The following CFAP46 variants were observed in gnomAD, a reference collection of about 807,000 sequenced individuals.
CFAP46 encodes cilia- and flagella-associated protein 46.
In CFAP46, 245 loss-of-function variants were observed where a neutral mutation model predicts 325.7. That is an observed-to-expected ratio of 0.75 (90% CI 0.68 to 0.84). The LOEUF is 0.84. Ranked by LOEUF, CFAP46 falls within the 40% of genes least tolerant of loss-of-function variation. The pLI is 0.00. For synonymous variants in CFAP46, 1,523 were observed against 1,495.9 expected, an observed-to-expected ratio of 1.02 and a Z score of -0.42; for missense variants, 3,346 against 3,543.0, an observed-to-expected ratio of 0.94 and a Z score of 1.41.
intron 54 of CFAP46, 21 bp downstream of exon 54, chr10:132,814,131 C>T: frequency 1.9e-6 from 3 of 1,605,810 alleles, no homozygotes; most frequent in South Asian, 2.2e-5. Flanking sequence ...GCAAACGGCT[C>T]CTGGGAGCCC....
intron 22 of CFAP46, among the ~76,000 whole-genome samples, chr10:132,902,503 A>G (rs187699576): frequency 6.6e-6 from 1 of 152,288 alleles, no homozygotes; most frequent in East Asian, 1.9e-4. Flanking sequence ...TATCGGTTCC[A>G]TTCTTTATTG....
intron 44 of CFAP46, among the ~76,000 whole-genome samples, chr10:132,845,424 A>G (rs1388026566): frequency 3.9e-5 from 6 of 152,168 alleles, no homozygotes; most frequent in Non-Finnish European, 8.8e-5. Flanking sequence ...CCTCACCAGC[A>G]AAGCATTGTC....
chr10:132,876,768 A>G lies in CFAP46; in HGVS notation c.4362+44T>C. ...CTTGGGGACAGGTCAAGGGGACACC[A>G]TGCTGTGACCAAGGTCTTGAGCCTT... is the stretch of plus-strand genomic sequence containing the variant. On this transcript the variant is annotated intron_variant, in intron 31 of 57. Coordinates refer to ENST00000368586, the MANE Select transcript of CFAP46 (RefSeq NM_001200049.3). This position sits in a 1 kb window ranked among gnomAD's most constrained non-coding sequence, Gnocchi z 4.1. The G allele has an allele frequency of 1.3e-6, 2 of 1,529,880 alleles. No homozygotes were observed. Among genetic ancestry groups the G allele is most frequent in the Non-Finnish European group, 8.8e-7 (1 of 1,137,536 alleles). 94.8% of individuals were successfully genotyped at this position (1,529,880 alleles called of 1,614,324 possible).
Position 132,808,655 on chromosome 10 carries a change from G to T in CFAP46, c.7914C>A (p.Gly2638=). 4 of 1,595,540 alleles carry T rather than the reference G, an allele frequency of 2.5e-6. No homozygotes were observed. The Middle Eastern group carries it at 5.1e-4, about 202-fold the overall frequency. ...AGGCTGCACCAAGGGCTGGGGAGAG[G>T]CCCAGGAAGGGGAGAGCGAGCTGGG... The part of the protein sequence containing the change: ...PSSQLALPFL[G]LSPALGAASA... The change falls in exon 58 of 58, where the codon GGC becomes GGA. Residue 2638 remains glycine, a synonymous_variant. Coordinates refer to ENST00000368586, the MANE Select transcript of CFAP46 (RefSeq NM_001200049.3). The surrounding 1 kb of genome is among the most constrained non-coding windows in gnomAD (Gnocchi z 6.8).
intron 34 of CFAP46, 59 bp from the exon 35 acceptor site, chr10:132,866,230 A>C: frequency 1.3e-5 from 18 of 1,425,042 alleles, no homozygotes; most frequent in South Asian, 1.5e-5. Flanking sequence ...TCTGAGTCTC[A>C]CGGGACAGGC....
rs1268034441 is a variant in CFAP46, at chr10:132,822,699, GTGTGAGTGCTGA to G, written c.7118-7797_7118-7786del. Among the ~76,000 whole-genome samples the G allele has an allele frequency of 7.3e-4, 103 of 140,972 alleles. No individual in the cohort carries two copies. In the South Asian group the frequency reaches 0.013, roughly 18 times the overall value. 92.5% of individuals were successfully genotyped at this position (140,972 alleles called of 152,430 possible). A position where few individuals can be genotyped will look rare whatever the true frequency, so the allele number is the denominator to read the frequency against. On this transcript the variant is annotated intron_variant, in intron 50 of 57. Transcript: ENST00000368586. ...TGTGCTGTGTGTGCTGATGTGTGCT[GTGTGAGTGCTGA>G]TGTGTGCTGATGTGTGCTGTGTGTG... is the stretch of plus-strand genomic sequence containing the variant.
At chr10:132,913,846 C>G (rs899953479) in intron 17 of CFAP46, among the ~76,000 whole-genome samples, 1 of 152,024 alleles carries the variant, frequency 6.6e-6, no homozygotes, top group African/African-American at 2.4e-5. Flanking sequence ...CCCAGCCCCC[C>G]GCCGGCCTGC....
chr10:132,891,710 G>A (rs1849257070), intron 25 of CFAP46, among the ~76,000 whole-genome samples: 1 of 152,172 alleles, frequency 6.6e-6, no homozygotes, highest in Non-Finnish European at 1.5e-5. Flanking sequence ...CCGGCTACCT[G>A]GAGGCTTCAT....
At chr10:132,820,939 A>T (rs1389385805) in intron 50 of CFAP46, among the ~76,000 whole-genome samples, 1 of 67,038 alleles carries the variant, frequency 1.5e-5, no homozygotes. Context: ...GTGTGCGCTG[A>T]TGTGTGCTGT....
At chr10:132,910,156 G>C in intron 19 of CFAP46, 88 bp from the exon 20 acceptor site, 1 of 1,238,020 alleles carries the variant, frequency 8.1e-7, no homozygotes, top group Non-Finnish European at 1.0e-6. Context: ...GATGGATGGA[G>C]CCCGCTCCTG....
intron 48 of CFAP46, 69 bp downstream of exon 48, chr10:132,834,585 C>G: frequency 1.6e-5 from 25 of 1,571,038 alleles, no homozygotes; most frequent in Non-Finnish European, 2.2e-5. Flanking sequence ...CGTGGTTGGC[C>G]ACAGCACTGG....
chr10:132,822,485 CTGTGTG>C (rs1434805506), intron 50 of CFAP46, among the ~76,000 whole-genome samples: 1 of 105,958 alleles, frequency 9.4e-6, no homozygotes, highest in African/African-American at 3.8e-5. Flanking sequence ...GCTGTGTGTG[CTGTGTG>C]TGCTGATGTG....
At chr10:132,834,844 G>A (rs1055447672) in intron 47 of CFAP46, 69 bp from the exon 48 acceptor site, 22 of 1,528,128 alleles carry the variant, frequency 1.4e-5, no homozygotes, top group Non-Finnish European at 1.8e-5. Context: ...CGAGGGCCAG[G>A]CCCCTGCAGA....
At chr10:132,821,594 CTGTGTGCTGTGTGTGCGCTGA>C (rs1847831837) in intron 50 of CFAP46, among the ~76,000 whole-genome samples, 1 of 110,850 alleles carries the variant, frequency 9.0e-6, no homozygotes, top group Admixed American at 9.8e-5. Context: ...TGTGTGTGTG[CTGTGTGCTGTGTGTGCGCTGA>C]TGTGTGCTGT....
At chr10:132,850,567 G>A (rs567335733) in intron 40 of CFAP46, 135 bp from the exon 41 acceptor site, 136 of 831,398 alleles carry the variant, frequency 1.6e-4, no homozygotes, top group African/African-American at 1.4e-3. Context: ...GCCTTGCCCC[G>A]CAGGGAGGGT....
intron 46 of CFAP46, among the ~76,000 whole-genome samples, 146 bp downstream of exon 46, chr10:132,835,988 CCCTTCTCG>C: frequency 1.4e-5 from 1 of 73,090 alleles, no homozygotes; most frequent in African/African-American, 5.6e-5. Flanking sequence ...CGCTCCCCTC[CCCTTCTCG>C]CCCTGCTCCC....
chr10:132,908,875 G>A lies in CFAP46; in HGVS notation c.2758-241C>T, dbSNP rs116202616. Reference sequence around the variant, plus strand: ...GGACTGGCGTGTGCAGCCCTTGGCTGCCCCTGAGCGGCTCAGGGTTGGGTG... The same window carrying A: ...GGACTGGCGTGTGCAGCCCTTGGCTACCCCTGAGCGGCTCAGGGTTGGGTG... On this transcript the variant is annotated intron_variant, in intron 21 of 57. Coordinates refer to ENST00000368586, the MANE Select transcript of CFAP46 (RefSeq NM_001200049.3). Among the ~76,000 whole-genome samples, 1,164 of 152,350 alleles carry A rather than the reference G, an allele frequency of 7.6e-3. 18 individuals are homozygous for A. The highest frequency in any genetic ancestry group is 0.026 in the African/African-American group (1,087 of 41,588).
At chr10:132,909,306 G>A (rs1368281498) in intron 20 of CFAP46, 62 bp from the exon 21 acceptor site, 15 of 1,181,478 alleles carry the variant, frequency 1.3e-5, no homozygotes, top group African/African-American at 1.5e-5. Flanking sequence ...TGGAATATGC[G>A]TGAATTTAAC....
chr10:132,870,736 T>C (rs7100926), intron 32 of CFAP46, among the ~76,000 whole-genome samples: 93,943 of 152,128 alleles, frequency 0.62, 30,552 homozygotes, highest in African/African-American at 0.82. Context: ...GTGAGGTTTC[T>C]GGACAGAAGC....
Sources: gnomAD v4.1 joint callset for allele counts (sites outside exome capture counted in the v4.1 genomes callset) on GRCh38, gnomAD v4.1.1 for gene constraint, Gnocchi (gnomAD v3.1) non-coding constraint, MANE v1.5 for transcripts, NCBI Gene and HGNC (gene_info 2026-07-23, HGNC 2026-07-21) for gene names.